Variants in KIAA1217 observed in about 807,000 individuals in gnomAD.
The protein encoded by KIAA1217 is KIAA1217, also known as sickle tail protein homolog.
Under a neutral mutation model 163.9 loss-of-function variants are expected in KIAA1217, and 88 were observed. That is an observed-to-expected ratio of 0.54 (90% confidence interval 0.45 to 0.64). The LOEUF is 0.64. Among genes scored for constraint, KIAA1217 ranks in the 30% least tolerant of loss-of-function variants. The pLI, the probability that KIAA1217 is intolerant of heterozygous loss-of-function variation, is 0.00. For missense variants in KIAA1217, 2,372 were observed against 2,475.0 expected (o/e 0.96, Z 0.88); for synonymous variants, 903 against 923.1 (o/e 0.98, Z 0.39).
intron 1 of KIAA1217, among the ~76,000 whole-genome samples, chr10:23,816,674 A>G (rs1196658157): frequency 6.6e-6 from 1 of 152,214 alleles, no homozygotes; most frequent in Non-Finnish European, 1.5e-5. Flanking sequence ...AAGAGTGAAG[A>G]GTGATGGTGT....
chr10:23,954,382 T>C (rs1055212037), intron 1 of KIAA1217, among the ~76,000 whole-genome samples: 8 of 151,868 alleles, frequency 5.3e-5, no homozygotes, highest in African/African-American at 1.9e-4. Flanking sequence ...CTAGGCAACA[T>C]AGCAAGATCC....
intron 5 of KIAA1217, among the ~76,000 whole-genome samples, chr10:24,470,510 A>C (rs1252502233): frequency 6.6e-6 from 1 of 152,156 alleles, no homozygotes; most frequent in African/African-American, 2.4e-5. Flanking sequence ...GAACTAGCAC[A>C]TGGGGAGAGA....
intron 1 of KIAA1217, among the ~76,000 whole-genome samples, chr10:23,911,278 C>T (rs1487955941): frequency 6.6e-6 from 1 of 152,166 alleles, no homozygotes; most frequent in Non-Finnish European, 1.5e-5. Flanking sequence ...TAGGACTGGC[C>T]TTATTTACTG....
At chr10:23,753,714 T>C (rs1315012643) in intron 1 of KIAA1217, among the ~76,000 whole-genome samples, 1 of 152,230 alleles carries the variant, frequency 6.6e-6, no homozygotes, top group Non-Finnish European at 1.5e-5. Context: ...GTTTTAATGA[T>C]TAAAAATAAC....
Position 23,751,996 on chromosome 10 carries a change from C to T in KIAA1217, c.-321+56762C>T, listed in dbSNP as rs75963375. ...GTATGTGGTATGATTATTTGTTTTACTTTTGAGGGCAGATGCTGTACCTCA... is the reference window on the plus strand; with the variant it reads ...GTATGTGGTATGATTATTTGTTTTATTTTTGAGGGCAGATGCTGTACCTCA... On this transcript the variant is annotated intron_variant, in intron 1 of 18. Coordinates refer to the KIAA1217 transcript ENST00000376462. 7.0e-3 allele frequency among the ~76,000 whole-genome samples: 1,068 copies of T among 152,250 alleles called. 19 individuals are homozygous for T. Among genetic ancestry groups the T allele is most frequent in the African/African-American group, 0.025 (1,023 of 41,550 alleles).
At chr10:24,355,747 TTTTTTTTTTTTTTTTTTTTG>T (rs2049016875) in intron 2 of KIAA1217, among the ~76,000 whole-genome samples, 1 of 96,454 alleles carries the variant, frequency 1.0e-5, no homozygotes, top group African/African-American at 3.8e-5. Context: ...TTTTTTTTTT[TTTTTTTTTTTTTTTTTTTTG>T]AGACAGAGTC....
intron 10 of KIAA1217, among the ~76,000 whole-genome samples, chr10:24,515,268 A>G (rs1200145758): frequency 6.6e-6 from 1 of 151,968 alleles, no homozygotes; most frequent in Non-Finnish European, 1.5e-5. Flanking sequence ...GCGTTTCACC[A>G]TATTGGTCAG....
intron 1 of KIAA1217, among the ~76,000 whole-genome samples, chr10:23,945,019 A>G (rs908316685): frequency 1.3e-5 from 2 of 149,418 alleles, no homozygotes; most frequent in Non-Finnish European, 3.0e-5. Flanking sequence ...TGATCATACC[A>G]TTGCACTCCA....
At chr10:23,771,110 T>C (rs969206850) in intron 1 of KIAA1217, among the ~76,000 whole-genome samples, 3 of 152,202 alleles carry the variant, frequency 2.0e-5, no homozygotes, top group South Asian at 4.1e-4. Context: ...GATTATGACA[T>C]GGTTCATGTG....
intron 1 of KIAA1217, among the ~76,000 whole-genome samples, chr10:23,747,142 G>A (rs968743419): frequency 3.9e-5 from 6 of 152,072 alleles, no homozygotes; most frequent in Admixed American, 1.3e-4. Flanking sequence ...TCATCTCAGA[G>A]GAACGTAATC....
At chr10:23,905,425 A>C (rs1026951730) in intron 1 of KIAA1217, among the ~76,000 whole-genome samples, 1 of 152,062 alleles carries the variant, frequency 6.6e-6, no homozygotes, top group Non-Finnish European at 1.5e-5. Context: ...GACTTCCTTC[A>C]GATGCCCAAT....
At chr10:24,354,314 A>G (rs1026066602) in intron 2 of KIAA1217, among the ~76,000 whole-genome samples, 6 of 152,132 alleles carry the variant, frequency 3.9e-5, no homozygotes, top group African/African-American at 1.2e-4. Flanking sequence ...CCACCTAGTG[A>G]GCACTCAAAC....
At chr10:23,876,705 C>G (rs78960210) in intron 1 of KIAA1217, among the ~76,000 whole-genome samples, 1,987 of 151,966 alleles carry the variant, frequency 0.013, 61 homozygotes, top group African/African-American at 0.045. Context: ...TCTTGAAAAG[C>G]CATCTTGCAG....
At chr10:24,010,406 C>T (rs1488622429) in intron 2 of KIAA1217, among the ~76,000 whole-genome samples, 1 of 152,052 alleles carries the variant, frequency 6.6e-6, no homozygotes, top group African/African-American at 2.4e-5. Flanking sequence ...TTTGTTCAAC[C>T]CATCTCTTCC....
rs1429686284 is a variant in KIAA1217 at position 24,502,416 on chromosome 10, ATTG to A, written c.2001+874_2001+876del. On this transcript the variant is annotated intron_variant, in intron 9 of 20. Transcript: ENST00000376454. The stretch of plus-strand genomic sequence containing the variant: ...ATCCATCCGTTCCTTGCTCTTTTCC[ATTG>A]TTAAGGAATATATAAACTCTACGGG... Among the ~76,000 whole-genome samples, 8 of 152,104 alleles carry A rather than the reference ATTG, an allele frequency of 5.3e-5. No homozygotes were observed. In the East Asian group the frequency reaches 1.6e-3, roughly 29 times the overall value.
At chr10:24,322,493 C>A (rs975345719) in intron 2 of KIAA1217, among the ~76,000 whole-genome samples, 5 of 152,122 alleles carry the variant, frequency 3.3e-5, no homozygotes, top group Non-Finnish European at 5.9e-5. Flanking sequence ...AGGAAAAAGA[C>A]CCTGTACATG....
chr10:24,508,899 TG>T (rs1380712038), intron 9 of KIAA1217, among the ~76,000 whole-genome samples: 1 of 152,154 alleles, frequency 6.6e-6, no homozygotes, highest in African/African-American at 2.4e-5. Context: ...GGCTGGGGCT[TG>T]GGGATTGATT....
chr10:23,990,106 G>A lies in KIAA1217; in HGVS notation c.-320-17119G>A, dbSNP rs1334188734. 4.6e-5 allele frequency among the ~76,000 whole-genome samples: 7 copies of A among 152,312 alleles called. No individual in the cohort carries two copies. In the East Asian group the frequency reaches 1.2e-3, roughly 25 times the overall value. On this transcript the variant is annotated intron_variant, in intron 1 of 18. Coordinates refer to the KIAA1217 transcript ENST00000376462. The stretch of plus-strand genomic sequence containing the variant: ...CCTTTTTTATGGTATCATATTTGAT[G>A]AAGCTTATGAATGCTAAGGAGTTGG...
chr10:24,212,255 G>C (rs563904871), intron 1 of KIAA1217, among the ~76,000 whole-genome samples: 11 of 152,298 alleles, frequency 7.2e-5, no homozygotes, highest in Non-Finnish European at 1.6e-4. Context: ...TGGGAGAACG[G>C]AGTTGCCATT....
Sources: allele counts gnomAD v4.1 joint callset (sites outside exome capture counted in the v4.1 genomes callset), GRCh38; gene constraint gnomAD v4.1.1; transcripts MANE v1.5; gene names NCBI Gene and HGNC (gene_info 2026-07-23, HGNC 2026-07-21).